SUSD4: variants seen among roughly 807,000 people sequenced by gnomAD.
SUSD4 encodes the protein sushi domain containing 4.
SUSD4 carries 41 observed loss-of-function variants against 50.5 expected under a neutral mutation model. The ratio of observed to expected loss-of-function variants is 0.81; its 90% CI spans 0.63 to 1.05. The LOEUF (loss-of-function observed/expected upper bound fraction) is 1.05, where lower values mean the gene tolerates loss of function less well. Ranked by LOEUF, SUSD4 falls within the 50% of genes least tolerant of loss-of-function variation. The pLI, the probability that SUSD4 is intolerant of heterozygous loss-of-function variation, is 0.00. For synonymous variants in SUSD4, 257 were observed against 257.3 expected (o/e 1.00, Z 0.01); for missense variants, 580 against 634.7 (o/e 0.91, Z 0.93).
intron 3 of SUSD4, among the ~76,000 whole-genome samples, chr1:223,290,413 A>T (rs1664413665): frequency 6.6e-6 from 1 of 152,206 alleles, no homozygotes. Context: ...CTTTATACAG[A>T]TCTTTCAAAG....
intron 3 of SUSD4, among the ~76,000 whole-genome samples, chr1:223,270,965 T>C (rs991287506): frequency 4.6e-5 from 7 of 152,116 alleles, no homozygotes; most frequent in Non-Finnish European, 1.0e-4. Flanking sequence ...CTAACTGGGG[T>C]CACAAGATCA....
chr1:223,348,563 T>C (rs1558272508), intron 2 of SUSD4, among the ~76,000 whole-genome samples: 4 of 152,178 alleles, frequency 2.6e-5, no homozygotes, highest in Non-Finnish European at 4.4e-5. Flanking sequence ...ATGTTTTCAA[T>C]TGCCTTGGTG....
intron 5 of SUSD4, among the ~76,000 whole-genome samples, chr1:223,243,494 G>C (rs1003891587): frequency 1.3e-5 from 2 of 152,210 alleles, no homozygotes; most frequent in African/African-American, 4.8e-5. Flanking sequence ...GGTGAATGCT[G>C]TTCACAGCAC....
chr1:223,286,118 GT>G (rs906442261), intron 3 of SUSD4, among the ~76,000 whole-genome samples: 7 of 152,004 alleles, frequency 4.6e-5, no homozygotes, highest in African/African-American at 1.7e-4. Flanking sequence ...CTAATTTTTT[GT>G]TTTTTTGTTT....
intron 2 of SUSD4, among the ~76,000 whole-genome samples, chr1:223,340,538 G>C (rs1367797615): frequency 6.6e-6 from 1 of 152,224 alleles, no homozygotes; most frequent in Non-Finnish European, 1.5e-5. Context: ...TCAAAGGTAA[G>C]GAAGGAGCTG....
chr1:223,263,589 G>C (rs1662272812), intron 5 of SUSD4: 1 of 985,176 alleles, frequency 1.0e-6, no homozygotes, highest in Non-Finnish European at 1.2e-6. Flanking sequence ...AATGGGAAGG[G>C]CTGGCCTTCT....
chr1:223,332,910 C>T lies in SUSD4; in HGVS notation c.148+30368G>A, dbSNP rs532319851. Among the ~76,000 whole-genome samples, 44 of 152,110 alleles carry T rather than the reference C, an allele frequency of 2.9e-4. No homozygotes were observed. Among genetic ancestry groups the T allele is most frequent in the African/African-American group, 7.0e-4 (29 of 41,420 alleles). ...CCATCTTCTACCATGTTCTTTCTGACGGAAGAAATGGCCACCTGCTCCTGA... is the reference window on the plus strand; with the variant it reads ...CCATCTTCTACCATGTTCTTTCTGATGGAAGAAATGGCCACCTGCTCCTGA... On this transcript the variant is annotated intron_variant, in intron 2 of 8. Transcript: ENST00000366878. The surrounding 1 kb of genome is among the most constrained non-coding windows in gnomAD (Gnocchi z 4.0).
At chr1:223,248,257 T>C (rs879393117) in intron 5 of SUSD4, among the ~76,000 whole-genome samples, 14 of 152,208 alleles carry the variant, frequency 9.2e-5, no homozygotes, top group Admixed American at 2.0e-4. Context: ...TGAGCCTGTA[T>C]ACTGAGTGCA....
chr1:223,316,761 C>A (rs1018395077), intron 2 of SUSD4, among the ~76,000 whole-genome samples: 3 of 152,068 alleles, frequency 2.0e-5, no homozygotes, highest in Admixed American at 6.5e-5. Context: ...GCCCAAGGTC[C>A]CCAAGTTAGT....
intron 4 of SUSD4, 94 bp downstream of exon 4, chr1:223,268,408 T>C (rs1045430940): frequency 1.4e-6 from 2 of 1,468,958 alleles, no homozygotes; most frequent in Non-Finnish European, 9.1e-7. Flanking sequence ...TCGCCCATCA[T>C]CTCTATCACT....
chr1:223,236,236 A>G (rs1660212334), intron 5 of SUSD4, among the ~76,000 whole-genome samples: 1 of 152,172 alleles, frequency 6.6e-6, no homozygotes, highest in South Asian at 2.1e-4. Flanking sequence ...TTCTTTGAAT[A>G]TTTTGGATAA....
chr1:223,255,024 T>C (rs1348516429), intron 5 of SUSD4, among the ~76,000 whole-genome samples: 1 of 152,202 alleles, frequency 6.6e-6, no homozygotes, highest in Non-Finnish European at 1.5e-5. Context: ...AAGGTGATAG[T>C]AACACGAACA....
At chr1:223,266,343 G>A (rs1662489107) in intron 4 of SUSD4, among the ~76,000 whole-genome samples, 1 of 152,170 alleles carries the variant, frequency 6.6e-6, no homozygotes, top group Admixed American at 6.5e-5. Context: ...GGAGGAGGTT[G>A]GGGATCAGGA....
intron 2 of SUSD4, chr1:223,359,090 C>T (rs1022344990): frequency 6.4e-6 from 3 of 470,984 alleles, no homozygotes; most frequent in East Asian, 6.9e-5. Context: ...CAGAGAGGGC[C>T]GCTGGACCAG....
intron 3 of SUSD4, among the ~76,000 whole-genome samples, chr1:223,289,651 G>C (rs565129616): frequency 3.9e-5 from 6 of 152,282 alleles, no homozygotes; most frequent in Middle Eastern, 6.8e-3. Flanking sequence ...GGCTGCAACA[G>C]GTCTTTCCCT....
chr1:223,336,914 A>T (rs1413251514), intron 2 of SUSD4, among the ~76,000 whole-genome samples: 2 of 152,018 alleles, frequency 1.3e-5, no homozygotes, highest in Non-Finnish European at 2.9e-5. Flanking sequence ...CAGCCCAGAA[A>T]CTCTCCCTTG....
At position 223,221,907 on chromosome 1, in the gene SUSD4, A is replaced by C. The variant is rs1292828507; in HGVS notation, c.*285T>G. 1 of 368,668 alleles carries C rather than the reference A, an allele frequency of 2.7e-6. No individual in the cohort carries two copies. The highest frequency in any genetic ancestry group is 4.8e-6 in the Non-Finnish European group (1 of 206,402). The allele number at this position is 368,668 out of a possible 1,614,324, so 22.8% of individuals were successfully genotyped here. A position where few individuals can be genotyped will look rare whatever the true frequency, so the allele number is the denominator to read the frequency against. On this transcript the variant is annotated 3_prime_UTR_variant, in exon 9 of 9. Transcript: ENST00000366878. The stretch of plus-strand genomic sequence containing the variant: ...TGTGCGTGGAATTGTCCCATGTTCC[A>C]CAGCACGATACACATTTAACACCCC...
chr1:223,301,889 T>C (rs1055016533), intron 2 of SUSD4, among the ~76,000 whole-genome samples: 1 of 152,152 alleles, frequency 6.6e-6, no homozygotes, highest in Non-Finnish European at 1.5e-5. Context: ...TTACACCACC[T>C]TGAGTTTCCC....
Position 223,346,437 on chromosome 1 carries a change from G to T in SUSD4, c.148+16841C>A, listed in dbSNP as rs1411723303. ...TAGGGTTCAAGGCGTACTGCAGAAA[G>T]AAGGTCAAAGAGGAAAAGCAGATGA... On this transcript the variant is annotated intron_variant, in intron 2 of 8. Coordinates refer to ENST00000366878, the MANE Select transcript of SUSD4 (RefSeq NM_017982.4). 2.6e-5 allele frequency among the ~76,000 whole-genome samples: 4 copies of T among 152,326 alleles called. No individual in the cohort carries two copies. The East Asian group carries it at 7.7e-4, about 29-fold the overall frequency.
Sources: gnomAD v4.1 joint callset for allele counts (sites outside exome capture counted in the v4.1 genomes callset) on GRCh38, gnomAD v4.1.1 for gene constraint, Gnocchi (gnomAD v3.1) non-coding constraint, MANE v1.5 for transcripts, NCBI Gene and HGNC (gene_info 2026-07-23, HGNC 2026-07-21) for gene names.